BACH2: variants seen among roughly 807,000 people sequenced by gnomAD.
The protein encoded by BACH2 is transcription regulator protein BACH2.
In BACH2, 5 loss-of-function variants were observed where a neutral mutation model predicts 61.8. The observed-to-expected ratio is 0.08, with a 90% CI of 0.04 to 0.17. The LOEUF is 0.17. Ranked by LOEUF, BACH2 falls within the 10% of genes least tolerant of loss-of-function variation. BACH2 has a pLI of 1.00. For synonymous variants in BACH2, 446 were observed against 440.1 expected (o/e 1.01, Z -0.17); for missense variants, 824 against 1,091.1 (o/e 0.76, Z 3.45).
chr6:89,954,373 T>C (rs1271558709), intron 6 of BACH2, among the ~76,000 whole-genome samples: 1 of 151,782 alleles, frequency 6.6e-6, no homozygotes, highest in Non-Finnish European at 1.5e-5. Flanking sequence ...TATGTACACA[T>C]GTGTCATGCT....
At chr6:90,251,312 A>G (rs770506245) in intron 3 of BACH2, among the ~76,000 whole-genome samples, 2 of 152,184 alleles carry the variant, frequency 1.3e-5, no homozygotes, top group African/African-American at 2.4e-5. Context: ...GAAAAATCAC[A>G]CAGGATGGTT....
chr6:89,961,500 ATTTTC>A (rs1774742568), intron 6 of BACH2, among the ~76,000 whole-genome samples: 1 of 152,144 alleles, frequency 6.6e-6, no homozygotes, highest in East Asian at 1.9e-4. Context: ...GAAACCAGTG[ATTTTC>A]CTAGGCGAGA....
At position 89,975,746 on chromosome 6, in the gene BACH2, G is replaced by C. The variant is rs1026721449; in HGVS notation, c.244-23884C>G. On this transcript the variant is annotated intron_variant, in intron 6 of 8. Coordinates refer to ENST00000257749, the MANE Select transcript of BACH2 (RefSeq NM_021813.4). ...GATATCCTGGAAATAAGGTTGCAGA[G>C]AAAAACAAAGTCCCACTTATCAAAA... 3.3e-5 allele frequency among the ~76,000 whole-genome samples: 5 copies of C among 152,182 alleles called. No homozygotes were observed. The East Asian group carries it at 9.6e-4, about 29-fold the overall frequency.
intron 4 of BACH2, among the ~76,000 whole-genome samples, chr6:90,190,690 C>T (rs1768539503): frequency 6.6e-6 from 1 of 152,214 alleles, no homozygotes; most frequent in Admixed American, 6.5e-5. Context: ...AGCTGAAGCC[C>T]CTTGGCGAAT....
chr6:89,943,933 C>T (rs527802840), intron 7 of BACH2, among the ~76,000 whole-genome samples: 12 of 152,272 alleles, frequency 7.9e-5, no homozygotes, highest in Non-Finnish European at 1.6e-4. Flanking sequence ...AGGGAGCTGT[C>T]GAGGGAGGAA....
chr6:90,097,640 C>T lies in BACH2; in HGVS notation c.-161-8531G>A, dbSNP rs138972160. On this transcript the variant is annotated intron_variant, in intron 4 of 8. Coordinates refer to ENST00000257749, the MANE Select transcript of BACH2 (RefSeq NM_021813.4). The stretch of plus-strand genomic sequence containing the variant: ...AAGTGGGTTTTCCTTCTGTATTAGC[C>T]GATATACTTTTTAAAAATTATGGTA... Among the ~76,000 whole-genome samples, 1,205 of 152,164 alleles carry T rather than the reference C, an allele frequency of 7.9e-3. 15 individuals are homozygous for T. The highest frequency in any genetic ancestry group is 0.041 in the South Asian group (198 of 4,818).
chr6:89,965,998 C>T (rs890367357), intron 6 of BACH2, among the ~76,000 whole-genome samples: 5 of 152,122 alleles, frequency 3.3e-5, no homozygotes, highest in Admixed American at 3.3e-4. Flanking sequence ...ACTTGAAAGG[C>T]TTTTGAGAGA....
At chr6:90,056,486 C>A (rs1397443932) in intron 5 of BACH2, among the ~76,000 whole-genome samples, 2 of 152,084 alleles carry the variant, frequency 1.3e-5, no homozygotes, top group African/African-American at 4.8e-5. Context: ...TCCTGAGTGA[C>A]CTACAAAGAG....
At chr6:90,094,592 C>T (rs147200833) in intron 4 of BACH2, among the ~76,000 whole-genome samples, 164 of 152,236 alleles carry the variant, frequency 1.1e-3, no homozygotes, top group Non-Finnish European at 1.1e-3. Flanking sequence ...CCAGGTTTGC[C>T]TAAACTTCAA....
intron 3 of BACH2, among the ~76,000 whole-genome samples, chr6:90,225,009 C>G (rs908071961): frequency 2.0e-5 from 3 of 152,088 alleles, no homozygotes; most frequent in African/African-American, 7.2e-5. Context: ...TTAATTCATT[C>G]AACAATTTAC....
At chr6:89,997,071 C>T (rs576729449) in intron 6 of BACH2, among the ~76,000 whole-genome samples, 2 of 152,162 alleles carry the variant, frequency 1.3e-5, no homozygotes, top group East Asian at 3.9e-4. Context: ...TTTTTGGTGC[C>T]TCTCTCCCAT....
chr6:90,158,134 A>C (rs1011519056), intron 4 of BACH2, among the ~76,000 whole-genome samples: 9 of 152,128 alleles, frequency 5.9e-5, no homozygotes, highest in Middle Eastern at 3.2e-3. Flanking sequence ...GCACATTCAA[A>C]AACTGTCCCC....
chr6:90,017,254 C>CT (rs1403175196), intron 5 of BACH2, among the ~76,000 whole-genome samples: 5 of 150,692 alleles, frequency 3.3e-5, no homozygotes, highest in African/African-American at 7.3e-5. Flanking sequence ...CTTTTCTTTT[C>CT]TTTTTTTTGA....
chr6:90,075,333 T>C (rs1317458832), intron 5 of BACH2, among the ~76,000 whole-genome samples: 5 of 152,152 alleles, frequency 3.3e-5, no homozygotes, highest in African/African-American at 1.2e-4. Flanking sequence ...GAGGATGATA[T>C]ATGGCACAAA....
At chr6:90,220,500 G>A (rs1193785363) in intron 3 of BACH2, among the ~76,000 whole-genome samples, 3 of 152,166 alleles carry the variant, frequency 2.0e-5, no homozygotes, top group Non-Finnish European at 4.4e-5. Flanking sequence ...GGCTAACAAG[G>A]GTGCCAGGAA....
At chr6:90,142,788 C>A (rs937700385) in intron 4 of BACH2, among the ~76,000 whole-genome samples, 2 of 152,048 alleles carry the variant, frequency 1.3e-5, no homozygotes, top group Non-Finnish European at 2.9e-5. Flanking sequence ...CTTCTGTTTG[C>A]TTCTATTTTC....
chr6:89,962,320 C>T (rs1203063659), intron 6 of BACH2, among the ~76,000 whole-genome samples: 1 of 152,184 alleles, frequency 6.6e-6, no homozygotes, highest in Non-Finnish European at 1.5e-5. Flanking sequence ...TTCATTCAGT[C>T]ATTCTCCTTG....
intron 6 of BACH2, among the ~76,000 whole-genome samples, chr6:89,979,958 G>A (rs1775861218): frequency 1.3e-5 from 2 of 152,156 alleles, no homozygotes; most frequent in Admixed American, 1.3e-4. Context: ...AATATGAACT[G>A]AAGATTCTTC....
chr6:90,189,450 T>C (rs112999701), intron 4 of BACH2, among the ~76,000 whole-genome samples: 2,988 of 151,196 alleles, frequency 0.02, 121 homozygotes, highest in African/African-American at 0.069. Context: ...CTACTAAAAA[T>C]ACAAAAAATT....
Sources: gnomAD v4.1 joint callset for allele counts (sites outside exome capture counted in the v4.1 genomes callset) on GRCh38, gnomAD v4.1.1 for gene constraint, MANE v1.5 for transcripts, NCBI Gene and HGNC (gene_info 2026-07-23, HGNC 2026-07-21) for gene names.